Variants in PCDH12 observed in about 807,000 individuals in gnomAD.
PCDH12 encodes the protein protocadherin-12.
PCDH12 carries 45 observed loss-of-function variants against 70.9 expected under a neutral mutation model. The observed-to-expected ratio is 0.63, with a 90% CI of 0.50 to 0.81. The LOEUF is 0.81. PCDH12 is among the 40% of genes least tolerant of loss of function. The pLI is 0.00. For missense variants in PCDH12, 1,370 were observed against 1,491.7 expected, an observed-to-expected ratio of 0.92 and a Z score of 1.34; for synonymous variants, 567 against 626.0, an observed-to-expected ratio of 0.91 and a Z score of 1.41.
In PCDH12 at chr5:141,957,954, TC is replaced by T; in HGVS notation, c.-104del. ...ATGGCTTGATCAGCCCCGTGCTCCT[TC>T]CCCCAGAGCTGCCGGCACAACCTTG... On this transcript the variant is annotated 5_prime_UTR_variant, in exon 1 of 4. The change creates a premature stop within an existing upstream ORF in the 5' untranslated region. Transcript: ENST00000231484. The surrounding 1 kb of genome is among the most constrained non-coding windows in gnomAD (Gnocchi z 4.3). 7.4e-7 allele frequency: 1 copy of T among 1,360,146 alleles called. No individual in the cohort carries two copies. The highest frequency in any genetic ancestry group is 9.9e-7 in the Non-Finnish European group (1 of 1,005,170). 84.3% of individuals were successfully genotyped at this position (1,360,146 alleles called of 1,614,324 possible). A position where few individuals can be genotyped will look rare whatever the true frequency, so the allele number is the denominator to read the frequency against.
Position 141,945,686 on chromosome 5 carries a change from G to C in PCDH12, c.3250C>G (p.Pro1084Ala), listed in dbSNP as rs990659847. The C allele has an allele frequency of 1.2e-6, 2 of 1,614,078 alleles. No individual in the cohort carries two copies. The highest frequency in any genetic ancestry group is 2.7e-5 in the African/African-American group (2 of 74,944). The change falls in exon 4 of 4, where the codon CCA becomes GCA. Residue 1084 changes from proline (P) to alanine (A), a missense_variant. Physicochemically the swap from Pro to Ala is conservative, Grantham distance 27 (BLOSUM62 -1). Coordinates refer to ENST00000231484, the MANE Select transcript of PCDH12 (RefSeq NM_016580.4). ...TTGCCGAACGTCTGGAAGGTCCTTG[G>C]CTCCTCCGTGGCTGCAGCATCCGGG... ...ISPDAAATEE[P>A]RTFQTFGKAE...
rs985856011 is a variant in PCDH12 at position 141,945,173 on chromosome 5, C to G, written c.*208G>C. The G allele has an allele frequency of 6.6e-5, 43 of 650,848 alleles. No individual in the cohort carries two copies. The East Asian group carries it at 1.1e-3, about 16-fold the overall frequency. 40.3% of individuals were successfully genotyped at this position (650,848 alleles called of 1,614,324 possible). A position where few individuals can be genotyped will look rare whatever the true frequency, so the allele number is the denominator to read the frequency against. On this transcript the variant is annotated 3_prime_UTR_variant, in exon 4 of 4. Coordinates refer to ENST00000231484, the MANE Select transcript of PCDH12 (RefSeq NM_016580.4). ...CTCAGCCACAAACCGTCCCTGTCCT[C>G]CAAAAGACTCAGAGCTGCTTACAAG...
At chr5:141,954,237 G>T (rs959884807) in intron 1 of PCDH12, among the ~76,000 whole-genome samples, 2 of 152,176 alleles carry the variant, frequency 1.3e-5, no homozygotes, top group Non-Finnish European at 2.9e-5. Context: ...AATTTCCACT[G>T]CCCCATCCGC....
chr5:141,951,734 GC>G, intron 1 of PCDH12, 144 bp from the exon 2 acceptor site: 1 of 676,330 alleles, frequency 1.5e-6, no homozygotes, highest in South Asian at 1.7e-5. Context: ...GGGGGATGGT[GC>G]CCAGTGACAG....
rs1389933910 is a variant in PCDH12 at position 141,945,509 on chromosome 5, C to T, written c.3427G>A (p.Gly1143Arg). The T allele has an allele frequency of 6.8e-6, 11 of 1,613,596 alleles. No individual in the cohort carries two copies. Among genetic ancestry groups the T allele is most frequent in the East Asian group, 2.2e-5 (1 of 44,856 alleles). The change falls in exon 4 of 4, where the codon GGG (glycine) becomes AGG (arginine). Residue 1143 changes from glycine (G) to arginine (R), a missense_variant. Physicochemically the swap from Gly to Arg is moderately radical, Grantham distance 125. Coordinates refer to ENST00000231484, the MANE Select transcript of PCDH12 (RefSeq NM_016580.4). ...SEALRRLSVC[G>R]RTLSLDLATS... ...GCCAAGTCTAAACTGAGGGTCCTCC[C>T]GCAGACCGAGAGCCGCCGCAGCGCC...
chr5:141,957,368 G>T lies in PCDH12; in HGVS notation c.484C>A (p.Pro162Thr). Residue 162 changes from proline to threonine, a missense_variant, in exon 1 of 4, where the codon CCA (proline) becomes ACA (threonine). Pro to Thr is a conservative substitution (Grantham distance 38). Coordinates refer to ENST00000231484, the MANE Select transcript of PCDH12 (RefSeq NM_016580.4). This position sits in a 1 kb window ranked among gnomAD's most constrained non-coding sequence, Gnocchi z 4.3. ...TGCAGGGTGTTAGGGCCTGTGTCTGGGTCAAGAGCTCTGTCCAGGGGGATC... is the reference window on the plus strand; with the variant it reads ...TGCAGGGTGTTAGGGCCTGTGTCTGTGTCAAGAGCTCTGTCCAGGGGGATC... Reference protein sequence around the residue: ...TRIPLDRALDPDTGPNTLHTY... With the variant: ...TRIPLDRALDTDTGPNTLHTY... 6.2e-7 allele frequency: 1 copy of T among 1,613,856 alleles called. No individual in the cohort carries two copies. Among genetic ancestry groups the T allele is most frequent in the South Asian group, 1.1e-5 (1 of 90,980 alleles).
Position 141,956,740 on chromosome 5 carries a change from CTG to C in PCDH12, c.1110_1111del (p.Asp370GlufsTer10). ...ATCTGCCATGACAAGAGCAATAAAA[CTG>C]TCCTTGGGAAGAGCTTCTGACACCA... On this transcript the variant is annotated frameshift_variant, in exon 1 of 4. Transcript: ENST00000231484. LOFTEE classifies it high-confidence loss of function. 6.2e-7 allele frequency: 1 copy of C among 1,614,260 alleles called. No individual in the cohort carries two copies. The highest frequency in any genetic ancestry group is 8.5e-7 in the Non-Finnish European group (1 of 1,180,054).
chr5:141,945,594 G>T lies in PCDH12; in HGVS notation c.3342C>A (p.Ser1114Arg). ...RLASTFVSEM[S>R]SLLEMLLEQR... ...GTTCCAGCAGCATCTCCAGCAGTGA[G>T]CTCATCTCCGAGACAAAGGTGCTGG... The change falls in exon 4 of 4, where the codon AGC becomes AGA. Residue 1114 changes from serine to arginine, a missense_variant. Coordinates refer to ENST00000231484, the MANE Select transcript of PCDH12 (RefSeq NM_016580.4). The T allele has an allele frequency of 6.2e-7, 1 of 1,614,192 alleles. No individual in the cohort carries two copies.
At chr5:141,954,161 G>T (rs1362191686) in intron 1 of PCDH12, among the ~76,000 whole-genome samples, 1 of 152,208 alleles carries the variant, frequency 6.6e-6, no homozygotes, top group Admixed American at 6.5e-5. Context: ...GTACAAGGTT[G>T]CCCAGCTCCT....
At position 141,945,768 on chromosome 5, in the gene PCDH12, G is replaced by A. The variant is rs746162233; in HGVS notation, c.3168C>T (p.Ala1056=). ...ALDRLSAPDP[A]WMARLSLPLT... Reference sequence around the variant, plus strand: ...GGGGCAAAGAGAGTCTCGCCATCCAGGCCGGGTCAGGGGCGCTCAGCCGGT... The same window carrying A: ...GGGGCAAAGAGAGTCTCGCCATCCAAGCCGGGTCAGGGGCGCTCAGCCGGT... The change falls in exon 4 of 4, where the codon GCC becomes GCT. Residue 1056 remains alanine, a synonymous_variant. Transcript: ENST00000231484. 45 of 1,613,616 alleles carry A rather than the reference G, an allele frequency of 2.8e-5. No individual in the cohort carries two copies. Among genetic ancestry groups the A allele is most frequent in the Non-Finnish European group, 3.8e-5 (45 of 1,179,988 alleles).
chr5:141,949,163 G>T (rs1342840208), intron 3 of PCDH12, among the ~76,000 whole-genome samples: 1 of 151,924 alleles, frequency 6.6e-6, no homozygotes, highest in African/African-American at 2.4e-5. Flanking sequence ...GGTCAATGCT[G>T]CAGTGAGCTG....
chr5:141,947,199 A>AC (rs1190153289), intron 3 of PCDH12, among the ~76,000 whole-genome samples: 3 of 152,358 alleles, frequency 2.0e-5, no homozygotes, highest in East Asian at 3.9e-4. Context: ...CTTGTGAGAC[A>AC]CTGTTGGGCT....
chr5:141,955,068 G>T lies in PCDH12; in HGVS notation c.2784C>A (p.Pro928=), dbSNP rs1166090117. The T allele has an allele frequency of 6.2e-7, 1 of 1,614,238 alleles. No homozygotes were observed. Among genetic ancestry groups the T allele is most frequent in the South Asian group, 1.1e-5 (1 of 91,086 alleles). The change falls in exon 1 of 4, where the codon CCC becomes CCA. Residue 928 remains proline (P), a synonymous_variant. Coordinates refer to ENST00000231484, the MANE Select transcript of PCDH12 (RefSeq NM_016580.4). The surrounding 1 kb of genome is among the most constrained non-coding windows in gnomAD (Gnocchi z 5.5). The stretch of plus-strand genomic sequence containing the variant: ...GGACCAGGCTCCGCAGGATCTGACG[G>T]GGCCCTGATTCTTTCTCAGGGGACA... ...GKVSPEKESG[P]RQILRSLVRL...
chr5:141,956,255 A>C lies in PCDH12; in HGVS notation c.1597T>G (p.Phe533Val), dbSNP rs1753181985. The change falls in exon 1 of 4, where the codon TTC (phenylalanine) becomes GTC (valine). Residue 533 changes from phenylalanine (F) to valine (V), a missense_variant. By Grantham distance (50) the Phe-to-Val change is conservative. Transcript: ENST00000231484. The part of the protein sequence containing the change: ...LNYEEMAGFE[F>V]QVIAEDSGQP... ...CCGCTGTCCTCTGCGATCACCTGGA[A>C]CTCAAAGCCGGCCATCTCTTCATAG... is the stretch of plus-strand genomic sequence containing the variant. 1 of 1,613,998 alleles carries C rather than the reference A, an allele frequency of 6.2e-7. No homozygotes were observed. The highest frequency in any genetic ancestry group is 8.5e-7 in the Non-Finnish European group (1 of 1,180,010).
chr5:141,957,602 C>T lies in PCDH12; in HGVS notation c.250G>A (p.Gly84Ser). 6.2e-7 allele frequency: 1 copy of T among 1,614,216 alleles called. No individual in the cohort carries two copies. The highest frequency in any genetic ancestry group is 8.5e-7 in the Non-Finnish European group (1 of 1,180,042). The change falls in exon 1 of 4, where the codon GGC becomes AGC. Residue 84 changes from glycine (G) to serine (S), a missense_variant. Transcript: ENST00000231484. This position sits in a 1 kb window ranked among gnomAD's most constrained non-coding sequence, Gnocchi z 4.3. ...ALPIQVDSEE[G>S]LLSTGRRLDR... Reference sequence around the variant, plus strand: ...AGCCGCCTGCCTGTGCTGAGCAAGCCTTCCTCAGAGTCCACCTGAATGGGG... The same window carrying T: ...AGCCGCCTGCCTGTGCTGAGCAAGCTTTCCTCAGAGTCCACCTGAATGGGG...
In PCDH12 at chr5:141,956,617, A is replaced by G. The variant is rs148436079; in HGVS notation, c.1235T>C (p.Leu412Ser). ...LKRTNGNTYM[L>S]LTNATLDREQ... is the part of the protein sequence containing the mutation. ...TCTGTCCAGTGTGGCATTGGTTAGC[A>G]ACATGTATGTGTTGCCATTAGTTCT... Residue 412 changes from leucine (L) to serine (S), a missense_variant, in exon 1 of 4, where the codon TTG (leucine) becomes TCG (serine). Coordinates refer to ENST00000231484, the MANE Select transcript of PCDH12 (RefSeq NM_016580.4). 6.2e-7 allele frequency: 1 copy of G among 1,614,212 alleles called. No homozygotes were observed. Among genetic ancestry groups the G allele is most frequent in the Non-Finnish European group, 8.5e-7 (1 of 1,180,034 alleles).
In PCDH12 at chr5:141,956,874, G is replaced by A; in HGVS notation, c.978C>T (p.Asp326=). ...GGGCTGGGATAGGATTGGGACCCAG[G>A]TCCCTTGCCTGAACATCCACCTCGT... is the stretch of plus-strand genomic sequence containing the variant. The part of the protein sequence containing the change: ...PAYEVDVQAR[D]LGPNPIPAHC... The change falls in exon 1 of 4, where the codon GAC becomes GAT. Residue 326 remains aspartate (D), a synonymous_variant. Coordinates refer to ENST00000231484, the MANE Select transcript of PCDH12 (RefSeq NM_016580.4). The A allele has an allele frequency of 6.2e-7, 1 of 1,614,216 alleles. No homozygotes were observed. Among genetic ancestry groups the A allele is most frequent in the Non-Finnish European group, 8.5e-7 (1 of 1,180,034 alleles).
rs200165903 is a variant in PCDH12 at position 141,956,065 on chromosome 5, T to C, written c.1787A>G (p.Asn596Ser). Residue 596 changes from asparagine (N) to serine (S), a missense_variant, in exon 1 of 4, where the codon AAT (asparagine) becomes AGT (serine). Asn to Ser is a conservative substitution (Grantham distance 46, BLOSUM62 1). Coordinates refer to ENST00000231484, the MANE Select transcript of PCDH12 (RefSeq NM_016580.4). ...GHLLVPIETP[N>S]GLGPAGTDTP... The stretch of plus-strand genomic sequence containing the variant: ...GTCAGTGCCCGCTGGGCCCAAGCCA[T>C]TGGGAGTCTCGATGGGCACCAGCAG... The C allele has an allele frequency of 1.5e-5, 25 of 1,614,050 alleles. No individual in the cohort carries two copies. The highest frequency in any genetic ancestry group is 2.2e-5 in the East Asian group (1 of 44,860).
In PCDH12 at chr5:141,955,810, C is replaced by T. The variant is rs767749532; in HGVS notation, c.2042G>A (p.Gly681Glu). ...GGCTCGGGTCTGTAAGGGGGGGCTT[C>T]CCTGGTCCTCTACTACTATCTCCAG... is the stretch of plus-strand genomic sequence containing the variant. ...WELEIVVEDQ[G>E]SPPLQTRALL... The change falls in exon 1 of 4, where the codon GGA (glycine) becomes GAA (glutamate). Residue 681 changes from glycine to glutamate, a missense_variant. Coordinates refer to ENST00000231484, the MANE Select transcript of PCDH12 (RefSeq NM_016580.4). The surrounding 1 kb of genome is among the most constrained non-coding windows in gnomAD (Gnocchi z 5.5). 16 of 1,613,936 alleles carry T rather than the reference C, an allele frequency of 9.9e-6. No homozygotes were observed. The highest frequency in any genetic ancestry group is 1.2e-5 in the Non-Finnish European group (14 of 1,179,924).
Sources: gnomAD v4.1 joint callset for allele counts (sites outside exome capture counted in the v4.1 genomes callset) on GRCh38, gnomAD v4.1.1 for gene constraint, Gnocchi (gnomAD v3.1) non-coding constraint, MANE v1.5 for transcripts, NCBI Gene and HGNC (gene_info 2026-07-23, HGNC 2026-07-21) for gene names.